CCSER1: variants seen among roughly 807,000 people sequenced by gnomAD.
CCSER1 encodes serine-rich coiled-coil domain-containing protein 1.
Under a neutral mutation model 82.0 loss-of-function variants are expected in CCSER1, and 41 were observed. That is an observed-to-expected ratio of 0.50 (90% CI 0.39 to 0.65). The LOEUF (loss-of-function observed/expected upper bound fraction) is 0.65. CCSER1 is among the 30% of genes least tolerant of loss of function. The probability of loss-of-function intolerance (pLI) is 0.00; values close to 1 mark genes in which losing one functional copy is unlikely to be tolerated. For missense variants in CCSER1, 1,119 were observed against 1,064.2 expected, an observed-to-expected ratio of 1.05 and a Z score of -0.72; for synonymous variants, 414 against 383.9, an observed-to-expected ratio of 1.08 and a Z score of -0.92.
chr4:90,314,841 T>A (rs1042663337), intron 3 of CCSER1, among the ~76,000 whole-genome samples: 3 of 101,420 alleles, frequency 3.0e-5, no homozygotes, highest in Non-Finnish European at 6.1e-5. Flanking sequence ...GATTTACTTT[T>A]TTTTTTTTTT....
At chr4:91,548,244 C>T (rs1392404367) in intron 10 of CCSER1, among the ~76,000 whole-genome samples, 2 of 152,190 alleles carry the variant, frequency 1.3e-5, no homozygotes, top group Non-Finnish European at 2.9e-5. Context: ...TACAACTTCA[C>T]AGGTAATGCA....
At chr4:90,584,541 G>A (rs1234905397) in intron 5 of CCSER1, among the ~76,000 whole-genome samples, 1 of 152,158 alleles carries the variant, frequency 6.6e-6, no homozygotes, top group African/African-American at 2.4e-5. Flanking sequence ...CCCAACCACT[G>A]TATGCCAGAC....
chr4:91,443,271 C>G (rs1407704653), intron 10 of CCSER1, among the ~76,000 whole-genome samples: 1 of 152,054 alleles, frequency 6.6e-6, no homozygotes, highest in African/African-American at 2.4e-5. Context: ...GGCACATATA[C>G]ACCATGGAAT....
chr4:90,360,139 G>A (rs1034344508), intron 3 of CCSER1, among the ~76,000 whole-genome samples: 1 of 147,690 alleles, frequency 6.8e-6, no homozygotes, highest in Admixed American at 6.7e-5. Flanking sequence ...GGCTGGTCTC[G>A]AACTCCTGAC....
At chr4:91,033,982 C>T (rs184144553) in intron 9 of CCSER1, among the ~76,000 whole-genome samples, 1 of 152,244 alleles carries the variant, frequency 6.6e-6, no homozygotes. Flanking sequence ...GCTCAATTGT[C>T]CCACCATCAA....
At chr4:91,182,065 A>G (rs1734085689) in intron 10 of CCSER1, among the ~76,000 whole-genome samples, 1 of 152,118 alleles carries the variant, frequency 6.6e-6, no homozygotes, top group South Asian at 2.1e-4. Flanking sequence ...GTTGTCTTTC[A>G]CCATCTGTGA....
At chr4:91,195,114 T>G (rs1317023325) in intron 10 of CCSER1, among the ~76,000 whole-genome samples, 1 of 152,222 alleles carries the variant, frequency 6.6e-6, no homozygotes, top group Non-Finnish European at 1.5e-5. Flanking sequence ...GTAGTAATAA[T>G]GATTTTCACG....
At chr4:91,473,703 C>T (rs897122034) in intron 10 of CCSER1, among the ~76,000 whole-genome samples, 8 of 152,076 alleles carry the variant, frequency 5.3e-5, no homozygotes, top group Non-Finnish European at 1.2e-4. Flanking sequence ...CTAGCCCACA[C>T]CTGGCATACT....
chr4:91,382,999 AT>A (rs144468064), intron 10 of CCSER1, among the ~76,000 whole-genome samples: 20,178 of 147,162 alleles, frequency 0.14, 1,463 homozygotes, highest in Middle Eastern at 0.19. Flanking sequence ...GATCATTATC[AT>A]TTTTTTTTTT....
At chr4:90,371,460 ACAT>A (rs1379832239) in intron 3 of CCSER1, among the ~76,000 whole-genome samples, 6 of 152,134 alleles carry the variant, frequency 3.9e-5, no homozygotes, top group Non-Finnish European at 5.9e-5. Context: ...TTGTGAGATA[ACAT>A]CATTATTCAA....
At chr4:91,230,686 AC>A (rs1204152967) in intron 10 of CCSER1, among the ~76,000 whole-genome samples, 1 of 151,992 alleles carries the variant, frequency 6.6e-6, no homozygotes, top group Non-Finnish European at 1.5e-5. Flanking sequence ...AAAAGATAAT[AC>A]AATATTTTTA....
At chr4:90,445,209 T>A (rs1253283200) in intron 4 of CCSER1, among the ~76,000 whole-genome samples, 1 of 152,114 alleles carries the variant, frequency 6.6e-6, no homozygotes, top group African/African-American at 2.4e-5. Flanking sequence ...AAATTGGAAC[T>A]ACTCACATTG....
In CCSER1 at chr4:90,309,413, A is replaced by T. The variant is rs945274162; in HGVS notation, c.1129A>T (p.Ile377Leu). The T allele has an allele frequency of 4.3e-6, 7 of 1,613,846 alleles. No homozygotes were observed. The South Asian group carries it at 6.6e-5, about 15-fold the overall frequency. ...AGCAGATAGTGAAAGAGAAGAAAAT[A>T]TAGGGTTACAAAATGGTGAAACAAT... ...LPADSEREEN[I>L]GLQNGETMLG... Residue 377 changes from isoleucine (I) to leucine (L), a missense_variant, in exon 2 of 11, where the codon ATA becomes TTA. By Grantham distance (5) the Ile-to-Leu change is conservative. Coordinates refer to ENST00000509176, the MANE Select transcript of CCSER1 (RefSeq NM_001145065.2).
chr4:91,444,763 A>T (rs1755442346), intron 10 of CCSER1, among the ~76,000 whole-genome samples: 1 of 152,202 alleles, frequency 6.6e-6, no homozygotes, highest in African/African-American at 2.4e-5. Context: ...TGCTTCTTCA[A>T]GCTAATGGAC....
intron 10 of CCSER1, among the ~76,000 whole-genome samples, chr4:91,382,700 CT>C (rs1330969831): frequency 1.3e-5 from 2 of 152,134 alleles, no homozygotes; most frequent in African/African-American, 2.4e-5. Context: ...ACTTGGTGGA[CT>C]GCACCCACTG....
intron 8 of CCSER1, among the ~76,000 whole-genome samples, chr4:90,847,125 G>A (rs773247335): frequency 1.3e-5 from 2 of 152,000 alleles, no homozygotes; most frequent in Non-Finnish European, 2.9e-5. Context: ...TCATTCATTC[G>A]TTTAATTATT....
chr4:90,983,819 C>A (rs1256567547), intron 9 of CCSER1, among the ~76,000 whole-genome samples: 3 of 151,680 alleles, frequency 2.0e-5, no homozygotes, highest in Admixed American at 6.6e-5. Flanking sequence ...GTGCACTATT[C>A]TTTTCCTTTA....
chr4:91,062,530 A>C (rs1330631784), intron 9 of CCSER1, among the ~76,000 whole-genome samples: 1 of 152,022 alleles, frequency 6.6e-6, no homozygotes, highest in Non-Finnish European at 1.5e-5. Flanking sequence ...CATTTTCCTG[A>C]AATGAGGTGG....
chr4:91,509,238 TATC>T (rs1200123691), intron 10 of CCSER1, among the ~76,000 whole-genome samples: 1 of 152,044 alleles, frequency 6.6e-6, no homozygotes, highest in Non-Finnish European at 1.5e-5. Context: ...CAGCTGCAGA[TATC>T]TCTGTAAACA....
Sources: allele counts gnomAD v4.1 joint callset (sites outside exome capture counted in the v4.1 genomes callset), GRCh38; gene constraint gnomAD v4.1.1; transcripts MANE v1.5; gene names NCBI Gene and HGNC (gene_info 2026-07-23, HGNC 2026-07-21).